STK3: variants seen among roughly 807,000 people sequenced by gnomAD.
The protein encoded by STK3 is serine/threonine kinase 3, also known as serine/threonine-protein kinase 3.
STK3 carries 41 observed loss-of-function variants against 58.0 expected under a neutral mutation model. The observed-to-expected ratio is 0.71, with a 90% CI of 0.55 to 0.92. The LOEUF (loss-of-function observed/expected upper bound fraction) is 0.92, where lower values mean the gene tolerates loss of function less well. Among genes scored for constraint, STK3 ranks in the 40% least tolerant of loss-of-function variants. The pLI is 0.00. For synonymous variants in STK3, 170 were observed against 191.0 expected (o/e 0.89, Z 0.91); for missense variants, 479 against 602.7 (o/e 0.79, Z 2.15).
At chr8:98,827,912 C>T (rs111909720), upstream of STK3, among the ~76,000 whole-genome samples, 7,642 of 151,944 alleles carry the variant, frequency 0.05, 226 homozygotes, top group African/African-American at 0.074. Context: ...AATGTTAAAG[C>T]TGAGAAGAAT....
chr8:98,691,144 G>A (rs891068360), intron 6 of STK3, among the ~76,000 whole-genome samples: 1 of 152,094 alleles, frequency 6.6e-6, no homozygotes, highest in Admixed American at 6.5e-5. Flanking sequence ...ATCAGCAGAA[G>A]CCCAAACCTC....
At chr8:98,474,946 T>C (rs1047577131) in intron 10 of STK3, among the ~76,000 whole-genome samples, 3 of 152,192 alleles carry the variant, frequency 2.0e-5, no homozygotes, top group African/African-American at 7.2e-5. Context: ...CTGTCACCCA[T>C]TAATATTGCT....
chr8:98,879,699 CTTTG>C (rs1239546026), downstream of STK3: 1 of 151,966 alleles, frequency 6.6e-6, no homozygotes, highest in Non-Finnish European at 1.5e-5. Flanking sequence ...TGTGCAATAA[CTTTG>C]TTTTTCAATT....
chr8:98,544,021 T>G (rs1475277569), intron 9 of STK3, among the ~76,000 whole-genome samples: 1 of 149,956 alleles, frequency 6.7e-6, no homozygotes, highest in Non-Finnish European at 1.5e-5. Context: ...AAGAGGAGTT[T>G]AGAACATAAG....
At chr8:98,851,655 G>A (rs979650415) in intron 3 of STK3, among the ~76,000 whole-genome samples, 3 of 152,118 alleles carry the variant, frequency 2.0e-5, no homozygotes, top group Admixed American at 1.3e-4. Context: ...GGAAAGGAGG[G>A]TGAGGAGGAA....
intron 6 of STK3, among the ~76,000 whole-genome samples, chr8:98,605,607 T>C (rs1274113916): frequency 6.6e-6 from 1 of 152,140 alleles, no homozygotes; most frequent in East Asian, 1.9e-4. Context: ...TATCCGTCTA[T>C]ACTAGTTTTC....
intron 3 of STK3, among the ~76,000 whole-genome samples, chr8:98,871,793 G>C (rs769393085): frequency 1.3e-5 from 2 of 152,200 alleles, no homozygotes; most frequent in Non-Finnish European, 2.9e-5. Context: ...TGCAAACAGG[G>C]ACAATTTGAC....
chr8:98,828,124 G>A (rs984903856), upstream of STK3, among the ~76,000 whole-genome samples: 1 of 151,658 alleles, frequency 6.6e-6, no homozygotes, highest in African/African-American at 2.4e-5. Flanking sequence ...ACAGGCACCC[G>A]CCACCACGCC....
chr8:98,723,248 T>C (rs1350600382), intron 4 of STK3, among the ~76,000 whole-genome samples: 1 of 152,156 alleles, frequency 6.6e-6, no homozygotes, highest in Admixed American at 6.5e-5. Flanking sequence ...AAGACATTTA[T>C]AGCTGAGCTA....
chr8:98,679,161 T>G (rs1264413186), intron 6 of STK3, among the ~76,000 whole-genome samples: 1 of 152,234 alleles, frequency 6.6e-6, no homozygotes, highest in African/African-American at 2.4e-5. Flanking sequence ...ATTCCACCCT[T>G]ACCACCTTTC....
In STK3 at chr8:98,574,403, T is replaced by C. The variant is rs538744354; in HGVS notation, c.948+5261A>G. On this transcript the variant is annotated intron_variant, in intron 8 of 10. Transcript: ENST00000419617. ...AATCCAGGCAATAGTCAGGAAATTA[T>C]GGTCTAAATATCAAGCTGAAAAGGT... Among the ~76,000 whole-genome samples, 6 of 152,262 alleles carry C rather than the reference T, an allele frequency of 3.9e-5. No homozygotes were observed. In the East Asian group the frequency reaches 5.8e-4, roughly 15 times the overall value.
intron 6 of STK3, among the ~76,000 whole-genome samples, chr8:98,688,214 G>T (rs1241627669): frequency 2.6e-5 from 4 of 152,152 alleles, no homozygotes; most frequent in South Asian, 4.1e-4. Context: ...TATACAAGAA[G>T]ACTTAACTAT....
intron 6 of STK3, among the ~76,000 whole-genome samples, chr8:98,658,388 T>C (rs1821708854): frequency 6.6e-6 from 1 of 151,996 alleles, no homozygotes; most frequent in Non-Finnish European, 1.5e-5. Flanking sequence ...ATAACCCTAG[T>C]GGATGCACCA....
chr8:98,613,193 T>C (rs1191457905), intron 6 of STK3, among the ~76,000 whole-genome samples: 1 of 152,190 alleles, frequency 6.6e-6, no homozygotes, highest in East Asian at 1.9e-4. Context: ...AAACTCTACC[T>C]GGCAGTGATG....
intron 10 of STK3, among the ~76,000 whole-genome samples, chr8:98,477,611 C>A (rs986754672): frequency 6.7e-6 from 1 of 149,528 alleles, no homozygotes; most frequent in African/African-American, 2.5e-5. Flanking sequence ...AGGGCCACCC[C>A]TGCAGCTCTG....
chr8:98,787,897 A>C (rs916914420), intron 1 of STK3, among the ~76,000 whole-genome samples: 7 of 152,188 alleles, frequency 4.6e-5, no homozygotes, highest in African/African-American at 1.4e-4. Flanking sequence ...AGAATTTGCC[A>C]CTACCAAGCC....
At chr8:98,656,133 C>T (rs947324163) in intron 6 of STK3, among the ~76,000 whole-genome samples, 3 of 152,146 alleles carry the variant, frequency 2.0e-5, no homozygotes, top group Admixed American at 2.0e-4. Context: ...GGCACATATA[C>T]ACCATGGAAT....
chr8:98,741,698 G>A (rs988831861), intron 4 of STK3, among the ~76,000 whole-genome samples: 2 of 152,056 alleles, frequency 1.3e-5, no homozygotes, highest in Non-Finnish European at 2.9e-5. Flanking sequence ...AGAAAAGCAA[G>A]AGCAAACACA....
intron 1 of STK3, among the ~76,000 whole-genome samples, chr8:98,814,025 T>TA (rs765799409): frequency 6.6e-6 from 1 of 152,158 alleles, no homozygotes; most frequent in Non-Finnish European, 1.5e-5. Context: ...ATTTGAGAAC[T>TA]AAAAAAGGCA....
Sources: gnomAD v4.1 joint callset for allele counts (sites outside exome capture counted in the v4.1 genomes callset) on GRCh38, gnomAD v4.1.1 for gene constraint, MANE v1.5 for transcripts, NCBI Gene and HGNC (gene_info 2026-07-23, HGNC 2026-07-21) for gene names.